Variants in SLC24A2 observed in about 807,000 individuals in gnomAD.
SLC24A2 encodes the protein solute carrier family 24 member 2.
A neutral mutation model predicts 62.0 loss-of-function variants in SLC24A2; 36 were observed. The ratio of observed to expected loss-of-function variants is 0.58; its 90% CI spans 0.44 to 0.77. The LOEUF (loss-of-function observed/expected upper bound fraction) is 0.77. SLC24A2 is among the 30% of genes least tolerant of loss of function. SLC24A2 has a pLI of 0.00. For synonymous variants in SLC24A2, 358 were observed against 294.0 expected, an observed-to-expected ratio of 1.22 and a Z score of -2.23; for missense variants, 846 against 817.9, an observed-to-expected ratio of 1.03 and a Z score of -0.42.
chr9:19,577,870 A>C (rs1451940348), intron 5 of SLC24A2, among the ~76,000 whole-genome samples: 1 of 149,044 alleles, frequency 6.7e-6, no homozygotes, highest in Non-Finnish European at 1.5e-5. Flanking sequence ...ATATAAAAAT[A>C]TTCCAACATA....
At chr9:20,229,687 A>G in the SLC24A2 span, among the ~76,000 whole-genome samples, 27 of 151,986 alleles carry the variant, frequency 1.8e-4, no homozygotes, top group East Asian at 4.6e-3. Flanking sequence ...TTATCACAGT[A>G]TATTCATTTA....
the SLC24A2 span, among the ~76,000 whole-genome samples, chr9:20,194,601 G>C: frequency 6.6e-6 from 1 of 152,216 alleles, no homozygotes; most frequent in South Asian, 2.1e-4. Flanking sequence ...ATATCAGGTA[G>C]CTTTATCCTA....
rs77419320 is a variant in SLC24A2 at position 19,725,995 on chromosome 9, C to G, written c.930+59942G>C. Among the ~76,000 whole-genome samples, 15 of 152,266 alleles carry G rather than the reference C, an allele frequency of 9.9e-5. 1 individual carries two copies. The highest frequency in any genetic ancestry group is 1.9e-4 in the Non-Finnish European group (13 of 68,016). On this transcript the variant is annotated intron_variant, in intron 2 of 10. Coordinates refer to ENST00000341998, the MANE Select transcript of SLC24A2 (RefSeq NM_020344.4). ...GGAAAAAAAGTATGCTTTCAGTATA[C>G]AGGCTTCTTATTAACAAGGAATATT...
At chr9:19,770,856 A>G (rs1292352830) in intron 2 of SLC24A2, among the ~76,000 whole-genome samples, 1 of 152,192 alleles carries the variant, frequency 6.6e-6, no homozygotes, top group Non-Finnish European at 1.5e-5. Context: ...TTTTTTTAAG[A>G]TGGTAAAAAA....
chr9:20,160,665 G>C, the SLC24A2 span, among the ~76,000 whole-genome samples: 5 of 151,074 alleles, frequency 3.3e-5, no homozygotes, highest in Non-Finnish European at 7.4e-5. Flanking sequence ...TAAACAACTT[G>C]TGAGCGAAAG....
chr9:19,815,579 G>A, the SLC24A2 span, among the ~76,000 whole-genome samples: 1 of 151,788 alleles, frequency 6.6e-6, no homozygotes, highest in South Asian at 2.1e-4. Context: ...AATCTTATAG[G>A]CTCAGATGTA....
the SLC24A2 span, among the ~76,000 whole-genome samples, chr9:19,888,673 A>G: frequency 6.6e-6 from 1 of 152,110 alleles, no homozygotes; most frequent in African/African-American, 2.4e-5. Flanking sequence ...ACCGCTTTCT[A>G]ATGTATGATC....
At chr9:19,557,650 G>A (rs1835161782) in intron 7 of SLC24A2, among the ~76,000 whole-genome samples, 1 of 152,196 alleles carries the variant, frequency 6.6e-6, no homozygotes, top group African/African-American at 2.4e-5. Context: ...CAGCCCCCTA[G>A]CTGCTCTTTC....
At chr9:20,144,228 A>C in the SLC24A2 span, among the ~76,000 whole-genome samples, 90 of 152,342 alleles carry the variant, frequency 5.9e-4, 2 homozygotes, top group East Asian at 0.013. Flanking sequence ...GCAGATAGGA[A>C]CTTTTCAGCT....
the SLC24A2 span, among the ~76,000 whole-genome samples, chr9:19,889,003 C>G: frequency 6.6e-6 from 1 of 152,178 alleles, no homozygotes; most frequent in Admixed American, 6.5e-5. Flanking sequence ...ACCCCTGGCT[C>G]ACGAGTCAGA....
chr9:19,528,353 G>GT (rs1181286363), intron 8 of SLC24A2, among the ~76,000 whole-genome samples: 3 of 152,208 alleles, frequency 2.0e-5, no homozygotes, highest in African/African-American at 7.2e-5. Flanking sequence ...AGTGATCACA[G>GT]TGCTGGCTCC....
chr9:19,861,017 C>G, the SLC24A2 span, among the ~76,000 whole-genome samples: 1 of 152,130 alleles, frequency 6.6e-6, no homozygotes, highest in African/African-American at 2.4e-5. Flanking sequence ...ACTTGACGCC[C>G]TGAAGGGAAG....
intron 2 of SLC24A2, among the ~76,000 whole-genome samples, chr9:19,631,675 C>A (rs958348553): frequency 1.3e-5 from 2 of 152,168 alleles, no homozygotes; most frequent in African/African-American, 4.8e-5. Flanking sequence ...AAGGAGGATT[C>A]TCAAACATGC....
At chr9:20,293,505 C>G in the SLC24A2 span, among the ~76,000 whole-genome samples, 85 of 152,148 alleles carry the variant, frequency 5.6e-4, 1 homozygote, top group Non-Finnish European at 1.0e-3. Context: ...GCCAAAAAAG[C>G]CCAGGGGCTC....
chr9:20,237,345 G>C, the SLC24A2 span, among the ~76,000 whole-genome samples: 1 of 152,162 alleles, frequency 6.6e-6, no homozygotes, highest in Admixed American at 6.5e-5. Flanking sequence ...TGTCAAAAAA[G>C]AAACAGGCTG....
the SLC24A2 span, among the ~76,000 whole-genome samples, chr9:20,060,546 C>A: frequency 6.6e-6 from 1 of 151,858 alleles, no homozygotes; most frequent in South Asian, 2.1e-4. Context: ...AAGACAAAAC[C>A]CAAATGGCCA....
chr9:20,163,394 G>C, the SLC24A2 span, among the ~76,000 whole-genome samples: 1 of 151,932 alleles, frequency 6.6e-6, no homozygotes, highest in Non-Finnish European at 1.5e-5. Context: ...GCTTCAAAGA[G>C]AATAAAATAC....
At chr9:19,518,057 A>C (rs1313353283) in intron 10 of SLC24A2, among the ~76,000 whole-genome samples, 2 of 152,032 alleles carry the variant, frequency 1.3e-5, no homozygotes, top group Non-Finnish European at 2.9e-5. Context: ...TGGTCTATTA[A>C]TTCTATCGTC....
the SLC24A2 span, among the ~76,000 whole-genome samples, chr9:19,935,349 G>A: frequency 6.6e-6 from 1 of 152,098 alleles, no homozygotes; most frequent in Non-Finnish European, 1.5e-5. Flanking sequence ...CAAAGTCCTT[G>A]CTGCTGAAGA....
Sources: gnomAD v4.1 joint callset for allele counts (sites outside exome capture counted in the v4.1 genomes callset) on GRCh38, gnomAD v4.1.1 for gene constraint, MANE v1.5 for transcripts, NCBI Gene and HGNC (gene_info 2026-07-23, HGNC 2026-07-21) for gene names.